The following PCDH11Y variants were observed in gnomAD, a reference collection of about 807,000 sequenced individuals.
PCDH11Y encodes protocadherin 11 Y-linked.
For missense variants in PCDH11Y, 12 were observed against 224.8 expected, an observed-to-expected ratio of 0.05 and a Z score of 6.05; for synonymous variants, 9 against 83.6, an observed-to-expected ratio of 0.11 and a Z score of 4.87.
At chrY:5,493,184 A>G (rs2053340674) in intron 2 of PCDH11Y, among the ~76,000 whole-genome samples, 1 of 33,562 alleles carries the variant, frequency 3.0e-5, no homozygotes, top group African/African-American at 1.2e-4. Context: ...ATTAATGACA[A>G]TGCCAGGTTT....
At chrY:5,233,350 T>C in intron 2 of PCDH11Y, among the ~76,000 whole-genome samples, 1 of 32,147 alleles carries the variant, frequency 3.1e-5, no homozygotes, top group African/African-American at 1.2e-4. Context: ...CATTATTACT[T>C]ATGAGTGACA....
intron 2 of PCDH11Y, among the ~76,000 whole-genome samples, chrY:5,398,411 C>T: frequency 3.2e-5 from 1 of 31,727 alleles, no homozygotes; most frequent in African/African-American, 1.2e-4. Flanking sequence ...AATCAACCTA[C>T]GTATGTAAAT....
chrY:5,722,652 T>G, intron 4 of PCDH11Y, among the ~76,000 whole-genome samples: 1 of 30,000 alleles, frequency 3.3e-5, no homozygotes, highest in Non-Finnish European at 8.1e-5. Flanking sequence ...AAGAAGGCAG[T>G]GAAATAACAA....
At chrY:5,739,441 A>G in exon 5 of PCDH11Y, 1 of 29,339 alleles carries the variant, frequency 3.4e-5, no homozygotes, top group Non-Finnish European at 8.2e-5. Flanking sequence ...TTTCAGTATA[A>G]CACTAAACCA....
chrY:5,642,514 A>G, intron 4 of PCDH11Y, among the ~76,000 whole-genome samples: 1 of 33,176 alleles, frequency 3.0e-5, no homozygotes. Context: ...GGGAATAGTT[A>G]CTATTAGTCT....
chrY:5,691,119 A>C, intron 4 of PCDH11Y, among the ~76,000 whole-genome samples: 1 of 33,693 alleles, frequency 3.0e-5, no homozygotes, highest in African/African-American at 1.2e-4. Flanking sequence ...AATATTAAAC[A>C]AATGAACAAT....
chrY:5,532,288 T>A, intron 3 of PCDH11Y, among the ~76,000 whole-genome samples: 2 of 28,901 alleles, frequency 6.9e-5, no homozygotes, highest in African/African-American at 2.7e-4. Context: ...TTTCACTCCA[T>A]ATCCGTGTTT....
intron 2 of PCDH11Y, among the ~76,000 whole-genome samples, chrY:5,476,029 T>A: frequency 3.0e-5 from 1 of 33,048 alleles, no homozygotes; most frequent in East Asian, 8.2e-4. Context: ...AGTCAATGAA[T>A]AAATGGTGAG....
At chrY:5,286,119 T>C in intron 2 of PCDH11Y, among the ~76,000 whole-genome samples, 2 of 33,425 alleles carry the variant, frequency 6.0e-5, no homozygotes, top group African/African-American at 2.3e-4. Context: ...CACCATTTAT[T>C]GAATAGGGAG....
intron 2 of PCDH11Y, among the ~76,000 whole-genome samples, chrY:5,117,065 T>A: frequency 3.1e-5 from 1 of 32,216 alleles, no homozygotes; most frequent in South Asian, 7.1e-4. Context: ...GAGCTTCTCA[T>A]CCTCTGGGCA....
At chrY:5,363,854 T>A (rs2053177547) in intron 2 of PCDH11Y, among the ~76,000 whole-genome samples, 1 of 18,031 alleles carries the variant, frequency 5.5e-5, no homozygotes, top group African/African-American at 2.3e-4. Flanking sequence ...TCTTTCTTTT[T>A]TTTTTTTTTT....
chrY:5,162,577 A>G, intron 2 of PCDH11Y, among the ~76,000 whole-genome samples: 1 of 32,827 alleles, frequency 3.0e-5, no homozygotes, highest in Admixed American at 2.8e-4. Flanking sequence ...TAGGATTAGC[A>G]TATAATAGCA....
At chrY:5,464,061 G>A (rs2124684073) in intron 2 of PCDH11Y, among the ~76,000 whole-genome samples, 2 of 32,555 alleles carry the variant, frequency 6.1e-5, no homozygotes, top group Admixed American at 5.7e-4. Context: ...CTTAACAATG[G>A]GTTTATCAGG....
At chrY:5,516,381 AC>A (rs2053372653) in intron 3 of PCDH11Y, among the ~76,000 whole-genome samples, 1 of 33,590 alleles carries the variant, frequency 3.0e-5, no homozygotes. Context: ...ATAATGGAGA[AC>A]TTCCAGAACA....
At chrY:5,262,553 C>A in intron 2 of PCDH11Y, among the ~76,000 whole-genome samples, 1 of 19,736 alleles carries the variant, frequency 5.1e-5, no homozygotes, top group Non-Finnish European at 1.0e-4. Context: ...CAAAAATTTT[C>A]TCCTATTCTG....
chrY:5,489,916 G>A, intron 2 of PCDH11Y, among the ~76,000 whole-genome samples: 3 of 32,057 alleles, frequency 9.4e-5, no homozygotes, highest in African/African-American at 3.6e-4. Context: ...AATAAAAATT[G>A]TGAAATAATC....
intron 1 of PCDH11Y, among the ~76,000 whole-genome samples, chrY:5,091,991 GA>G (rs2052742054): frequency 3.1e-5 from 1 of 32,226 alleles, no homozygotes; most frequent in African/African-American, 1.2e-4. Flanking sequence ...GTCCTAGTGG[GA>G]AAAAAAATCC....
At chrY:5,388,777 TA>T (rs2053218834) in intron 2 of PCDH11Y, among the ~76,000 whole-genome samples, 2 of 33,843 alleles carry the variant, frequency 5.9e-5, no homozygotes, top group Non-Finnish European at 1.5e-4. Flanking sequence ...ATTTTACAGT[TA>T]AAAAAATGAA....
At chrY:5,533,346 A>G in intron 3 of PCDH11Y, among the ~76,000 whole-genome samples, 1 of 33,390 alleles carries the variant, frequency 3.0e-5, no homozygotes, top group South Asian at 6.5e-4. Context: ...ATCTTTTCCC[A>G]CAAACCTTTT....
Sources: gnomAD v4.1 joint callset for allele counts (sites outside exome capture counted in the v4.1 genomes callset) on GRCh38, gnomAD v4.1.1 for gene constraint, MANE v1.5 for transcripts, NCBI Gene and HGNC (gene_info 2026-07-23, HGNC 2026-07-21) for gene names.